Variants in ZFHX3 observed in about 807,000 individuals in gnomAD.
ZFHX3 encodes the protein zinc finger homeobox 3, also known as zinc finger homeobox protein 3.
ZFHX3 carries 42 observed loss-of-function variants against 279.1 expected under a neutral mutation model. The observed-to-expected ratio is 0.15, with a 90% CI of 0.12 to 0.19. The LOEUF is 0.19. Ranked by LOEUF, ZFHX3 falls within the 10% of genes least tolerant of loss-of-function variation. The pLI, the probability that ZFHX3 is intolerant of heterozygous loss-of-function variation, is 1.00. For missense variants in ZFHX3, 4,981 were observed against 4,754.0 expected, an observed-to-expected ratio of 1.05 and a Z score of -1.40; for synonymous variants, 2,293 against 1,957.8, an observed-to-expected ratio of 1.17 and a Z score of -4.52.
At chr16:73,344,486 G>A (rs1291078631) in intron 3 of ZFHX3, among the ~76,000 whole-genome samples, 1 of 152,158 alleles carries the variant, frequency 6.6e-6, no homozygotes, top group Non-Finnish European at 1.5e-5. Context: ...ATTCTTGGAA[G>A]GATGGAAAAA....
intron 8 of ZFHX3, 71 bp from the exon 9 acceptor site, chr16:72,798,785 G>T: frequency 2.0e-6 from 3 of 1,492,850 alleles, no homozygotes; most frequent in Non-Finnish European, 2.7e-6. Flanking sequence ...CACCCAGAGC[G>T]GTCTACCTAG....
intron 3 of ZFHX3, among the ~76,000 whole-genome samples, chr16:73,441,051 A>G (rs1251238692): frequency 6.6e-6 from 1 of 152,116 alleles, no homozygotes; most frequent in South Asian, 2.1e-4. Context: ...AAGCACTGGG[A>G]ACACGTTCAT....
intron 2 of ZFHX3, among the ~76,000 whole-genome samples, chr16:73,523,744 C>T (rs2143711870): frequency 6.6e-6 from 1 of 151,034 alleles, no homozygotes; most frequent in Non-Finnish European, 1.5e-5. Flanking sequence ...TTTGTTTTGT[C>T]CTTGCATCTA....
At chr16:73,604,609 G>A (rs1289340235) in intron 2 of ZFHX3, among the ~76,000 whole-genome samples, 1 of 152,114 alleles carries the variant, frequency 6.6e-6, no homozygotes, top group African/African-American at 2.4e-5. Flanking sequence ...AGCTGAGCAT[G>A]GTGGCAGATA....
At chr16:73,430,014 A>C (rs1410069808) in intron 3 of ZFHX3, among the ~76,000 whole-genome samples, 1 of 152,154 alleles carries the variant, frequency 6.6e-6, no homozygotes, top group African/African-American at 2.4e-5. Flanking sequence ...CAGCCTCCCA[A>C]GTAGCTGGGA....
Position 73,248,026 on chromosome 16 carries a change from T to C in ZFHX3, c.-1104+9021A>G, listed in dbSNP as rs184667893. Among the ~76,000 whole-genome samples, 1,172 of 151,780 alleles carry C rather than the reference T, an allele frequency of 7.7e-3. 51 individuals are homozygous for C. The highest frequency in any genetic ancestry group is 0.06 in the Admixed American group (905 of 15,210). On this transcript the variant is annotated intron_variant, in intron 5 of 17. Transcript: ENST00000641206. ...GTGTGTATACTATGTATATAATGTG[T>C]GTGTGTATATGTACCTGTATGTGGA...
Position 73,682,916 on chromosome 16 carries a change from GAGAGAAAGAGAA to G in ZFHX3, c.-1607-2688_-1607-2677del, listed in dbSNP as rs1407419719. Among the ~76,000 whole-genome samples the G allele has an allele frequency of 7.5e-3, 223 of 29,816 alleles. 23 individuals carry two copies. Among genetic ancestry groups the G allele is most frequent in the Non-Finnish European group, 9.7e-3 (138 of 14,166 alleles). The allele number at this position is 29,816 out of a possible 152,430, so 19.6% of individuals were successfully genotyped here. Reference sequence around the variant, plus strand: ...AAAGAAAGAAAGAAAGAGAAAGAAAGAGAGAAAGAGAAAGAAAGAAAGAAAGAAAGAAAGAAA... The same window carrying G: ...AAAGAAAGAAAGAAAGAGAAAGAAAGAGAAAGAAAGAAAGAAAGAAAGAAA... On this transcript the variant is annotated intron_variant, in intron 1 of 17. Transcript: ENST00000641206.
intron 1 of ZFHX3, among the ~76,000 whole-genome samples, chr16:73,680,628 G>T (rs773857702): frequency 1.2e-4 from 18 of 152,202 alleles, no homozygotes; most frequent in Non-Finnish European, 1.9e-4. Context: ...TCATCAGTCT[G>T]CATCTGGGAA....
rs185696381 is a variant in ZFHX3 at position 73,691,395 on chromosome 16, C to T, written c.-1607-11155G>A. On this transcript the variant is annotated intron_variant, in intron 1 of 17. Transcript: ENST00000641206. Reference sequence around the variant, plus strand: ...AGGAACTCAAAGAGCTTCAACACTGCTGTCCATGAAAGAGTAATATTATCT... The same window carrying T: ...AGGAACTCAAAGAGCTTCAACACTGTTGTCCATGAAAGAGTAATATTATCT... Among the ~76,000 whole-genome samples, 327 of 152,302 alleles carry T rather than the reference C, an allele frequency of 2.1e-3. 1 individual carries two copies. Among genetic ancestry groups the T allele is most frequent in the African/African-American group, 7.6e-3 (316 of 41,562 alleles).
chr16:72,952,505 CA>C (rs1230100792), intron 2 of ZFHX3, among the ~76,000 whole-genome samples: 1 of 152,204 alleles, frequency 6.6e-6, no homozygotes, highest in African/African-American at 2.4e-5. Context: ...CTCCCTAGGA[CA>C]GGGGTCCAGT....
chr16:73,315,570 C>G lies in ZFHX3; in HGVS notation c.-1194+2670G>C, dbSNP rs564648726. Among the ~76,000 whole-genome samples the G allele has an allele frequency of 1.8e-4, 27 of 152,038 alleles. 1 individual carries two copies. The highest frequency in any genetic ancestry group is 1.6e-3 in the Admixed American group (25 of 15,272). On this transcript the variant is annotated intron_variant, in intron 4 of 17. Transcript: ENST00000641206. ...AACAAAAAGACAACACAGACAAAAG[C>G]TGCACAAAAACATGCCATGGGACCA...
chr16:73,288,993 A>C (rs2014703309), intron 4 of ZFHX3, among the ~76,000 whole-genome samples: 1 of 146,912 alleles, frequency 6.8e-6, no homozygotes. Context: ...TGCTGTTAAT[A>C]ACGACTTTGT....
At chr16:73,428,710 A>G (rs1198050912) in intron 3 of ZFHX3, among the ~76,000 whole-genome samples, 1 of 152,170 alleles carries the variant, frequency 6.6e-6, no homozygotes, top group African/African-American at 2.4e-5. Flanking sequence ...AATATGGATC[A>G]CTACAAGTCA....
chr16:73,624,938 A>G (rs2142141302), intron 2 of ZFHX3, among the ~76,000 whole-genome samples: 1 of 152,340 alleles, frequency 6.6e-6, no homozygotes, highest in African/African-American at 2.4e-5. Context: ...GCTAATGGAC[A>G]AAGTCGCCAA....
Position 72,794,220 on chromosome 16 carries a change from A to G in ZFHX3, c.8462T>C (p.Val2821Ala), listed in dbSNP as rs144056966. The stretch of plus-strand genomic sequence containing the variant: ...CTTAGTTTGGTCAAAGTTTAGATTA[A>G]CTGAGGACATGGAGGGGCTTTCAAA... ...EDFESPSMSS[V>A]NLNFDQTKLD... The change falls in exon 9 of 10, where the codon GTT (valine) becomes GCT (alanine). Residue 2821 changes from valine to alanine, a missense_variant. Val to Ala is a moderately conservative substitution (Grantham distance 64). Around this residue, in one of 7 missense-constraint regions of ZFHX3, gnomAD observed 744 missense variants for 701.3 expected, o/e 1.06. Transcript: ENST00000268489. This position sits in a 1 kb window ranked among gnomAD's most constrained non-coding sequence, Gnocchi z 4.2. 1 of 1,614,182 alleles carries G rather than the reference A, an allele frequency of 6.2e-7. No homozygotes were observed. Among genetic ancestry groups the G allele is most frequent in the African/African-American group, 1.3e-5 (1 of 75,032 alleles).
intron 5 of ZFHX3, among the ~76,000 whole-genome samples, chr16:73,168,125 T>A (rs921111390): frequency 7.9e-5 from 12 of 152,212 alleles, no homozygotes; most frequent in African/African-American, 1.9e-4. Flanking sequence ...GAATTCATAG[T>A]TCTTTTCATT....
chr16:72,950,440 C>T (rs749569755), intron 3 of ZFHX3, 29 bp downstream of exon 3: 20 of 1,600,612 alleles, frequency 1.2e-5, no homozygotes, highest in Non-Finnish European at 1.6e-5. Flanking sequence ...TCAGAAAGAG[C>T]GCCTGAGCCA....
At chr16:73,692,357 A>G (rs923971950) in intron 1 of ZFHX3, among the ~76,000 whole-genome samples, 2 of 152,196 alleles carry the variant, frequency 1.3e-5, no homozygotes, top group South Asian at 4.1e-4. Flanking sequence ...CCCAAGGACC[A>G]GGCCAGGAGG....
chr16:73,854,931 C>A (rs1961685088), intron 1 of ZFHX3, among the ~76,000 whole-genome samples: 1 of 151,698 alleles, frequency 6.6e-6, no homozygotes, highest in East Asian at 1.9e-4. Flanking sequence ...CTCAAGGGGA[C>A]ATGTATGTTG....
Sources: allele counts gnomAD v4.1 joint callset (sites outside exome capture counted in the v4.1 genomes callset), GRCh38; gene constraint gnomAD v4.1.1; regional missense constraint gnomAD v4.1.1; non-coding constraint Gnocchi (gnomAD v3.1); transcripts MANE v1.5; gene names NCBI Gene and HGNC (gene_info 2026-07-23, HGNC 2026-07-21).